The following KCND2 variants were observed in gnomAD, a reference collection of about 807,000 sequenced individuals.
KCND2 encodes potassium voltage-gated channel subfamily D member 2, also known as A-type voltage-gated potassium channel KCND2.
A neutral mutation model predicts 54.4 loss-of-function variants in KCND2; 16 were observed. That is an observed-to-expected ratio of 0.29 (90% CI 0.20 to 0.45). The LOEUF is 0.45. Ranked by LOEUF, KCND2 falls within the 20% of genes least tolerant of loss-of-function variation. KCND2 has a pLI of 1.00. For missense variants in KCND2, 486 were observed against 824.2 expected (o/e 0.59, Z 5.02); for synonymous variants, 317 against 310.7 (o/e 1.02, Z -0.21).
At chr7:120,413,116 G>A (rs1396906322) in intron 1 of KCND2, among the ~76,000 whole-genome samples, 1 of 151,986 alleles carries the variant, frequency 6.6e-6, no homozygotes, top group Non-Finnish European at 1.5e-5. Context: ...TAATTATGAA[G>A]AATGTTTATT....
chr7:120,397,659 G>C (rs1413690120), intron 1 of KCND2, among the ~76,000 whole-genome samples: 1 of 151,836 alleles, frequency 6.6e-6, no homozygotes, highest in African/African-American at 2.4e-5. Flanking sequence ...GCGACAGGAA[G>C]TGTATATTCA....
At chr7:120,443,928 C>T (rs1801982420) in intron 1 of KCND2, among the ~76,000 whole-genome samples, 1 of 152,010 alleles carries the variant, frequency 6.6e-6, no homozygotes, top group South Asian at 2.1e-4. Context: ...CTTCTGAAAC[C>T]CCAAGGTGGT....
At chr7:120,739,171 T>G (rs1293509275) in intron 2 of KCND2, among the ~76,000 whole-genome samples, 1 of 151,962 alleles carries the variant, frequency 6.6e-6, no homozygotes, top group African/African-American at 2.4e-5. Flanking sequence ...ATGTATATGT[T>G]TTCTTAATAA....
intron 1 of KCND2, among the ~76,000 whole-genome samples, chr7:120,361,566 C>T (rs142575175): frequency 6.6e-6 from 1 of 152,094 alleles, no homozygotes; most frequent in Admixed American, 6.6e-5. Context: ...TTGAAGCATT[C>T]AGGGCAGGTG....
chr7:120,656,020 C>T (rs779031835), intron 1 of KCND2, among the ~76,000 whole-genome samples: 29 of 152,094 alleles, frequency 1.9e-4, no homozygotes, highest in Non-Finnish European at 3.8e-4. Flanking sequence ...TTCTTTTATA[C>T]AAGTATCCAT....
At chr7:120,639,571 GT>G (rs1285079764) in intron 1 of KCND2, among the ~76,000 whole-genome samples, 1 of 152,248 alleles carries the variant, frequency 6.6e-6, no homozygotes, top group South Asian at 2.1e-4. Flanking sequence ...GGGCACAGTA[GT>G]TTTTTAATAG....
chr7:120,378,564 G>A (rs1039832800), intron 1 of KCND2, among the ~76,000 whole-genome samples: 1 of 151,826 alleles, frequency 6.6e-6, no homozygotes. Context: ...ACAGTGAAAA[G>A]CCTTTTGTTA....
intron 1 of KCND2, among the ~76,000 whole-genome samples, chr7:120,626,551 T>C (rs915581678): frequency 1.3e-5 from 2 of 152,130 alleles, no homozygotes; most frequent in African/African-American, 4.8e-5. Context: ...TCAACACTAT[T>C]TAAGTCCAAC....
At chr7:120,456,318 C>T (rs373828407) in intron 1 of KCND2, among the ~76,000 whole-genome samples, 1 of 152,162 alleles carries the variant, frequency 6.6e-6, no homozygotes, top group Non-Finnish European at 1.5e-5. Flanking sequence ...ATGAACCCAT[C>T]TCTATGAAGT....
chr7:120,477,594 T>C (rs1802549960), intron 1 of KCND2, among the ~76,000 whole-genome samples: 1 of 152,138 alleles, frequency 6.6e-6, no homozygotes, highest in Admixed American at 6.5e-5. Flanking sequence ...ATTGTCTCTT[T>C]TTTTGCTTGA....
chr7:120,691,768 G>A (rs533069902), intron 1 of KCND2, among the ~76,000 whole-genome samples: 1 of 152,306 alleles, frequency 6.6e-6, no homozygotes, highest in East Asian at 1.9e-4. Flanking sequence ...AAGGGAAGGA[G>A]TGTGAATATC....
chr7:120,743,954 A>AT (rs1792973538), intron 4 of KCND2, among the ~76,000 whole-genome samples: 1 of 152,184 alleles, frequency 6.6e-6, no homozygotes, highest in African/African-American at 2.4e-5. Context: ...TGAAAGTTAA[A>AT]TGATACATTA....
At chr7:120,282,620 TAGGA>T (rs1799283412) in intron 1 of KCND2, among the ~76,000 whole-genome samples, 1 of 151,718 alleles carries the variant, frequency 6.6e-6, no homozygotes, top group Non-Finnish European at 1.5e-5. Flanking sequence ...ATTGAAAGAG[TAGGA>T]TGACAGTTGA....
chr7:120,305,673 T>G (rs1799643903), intron 1 of KCND2, among the ~76,000 whole-genome samples: 1 of 152,138 alleles, frequency 6.6e-6, no homozygotes, highest in African/African-American at 2.4e-5. Flanking sequence ...CTCCCAAGTA[T>G]TTCTTCCTGG....
chr7:120,747,517 A>T (rs1793021710), intron 5 of KCND2, among the ~76,000 whole-genome samples, 164 bp from the exon 6 acceptor site: 1 of 152,134 alleles, frequency 6.6e-6, no homozygotes, highest in Non-Finnish European at 1.5e-5. Context: ...TACTATGTTC[A>T]TCTTTAACAT....
At chr7:120,673,929 G>T (rs1347958313) in intron 1 of KCND2, among the ~76,000 whole-genome samples, 1 of 149,212 alleles carries the variant, frequency 6.7e-6, no homozygotes, top group African/African-American at 2.5e-5. Context: ...TTTTCTACAG[G>T]AGCCTCACTC....
intron 1 of KCND2, among the ~76,000 whole-genome samples, chr7:120,613,491 A>C (rs1792982906): frequency 1.3e-5 from 2 of 152,168 alleles, no homozygotes; most frequent in Admixed American, 1.3e-4. Flanking sequence ...AGATTGCGCC[A>C]CTGCTCTCCA....
intron 1 of KCND2, among the ~76,000 whole-genome samples, chr7:120,437,027 C>T (rs1488630570): frequency 6.6e-6 from 1 of 152,090 alleles, no homozygotes; most frequent in Non-Finnish European, 1.5e-5. Flanking sequence ...TTTTCTTCCT[C>T]TTCTCAGCCT....
intron 1 of KCND2, among the ~76,000 whole-genome samples, chr7:120,554,251 C>A (rs1792135367): frequency 6.6e-6 from 1 of 152,092 alleles, no homozygotes; most frequent in African/African-American, 2.4e-5. Flanking sequence ...TCCTGCTATT[C>A]CTGGCCAGTT....
Sources: allele counts gnomAD v4.1 joint callset (sites outside exome capture counted in the v4.1 genomes callset), GRCh38; gene constraint gnomAD v4.1.1; transcripts MANE v1.5; gene names NCBI Gene and HGNC (gene_info 2026-07-23, HGNC 2026-07-21).